CECR2: variants seen among roughly 807,000 people sequenced by gnomAD.
CECR2 encodes chromatin remodeling regulator CECR2.
CECR2 carries 30 observed loss-of-function variants against 154.5 expected under a neutral mutation model. The ratio of observed to expected loss-of-function variants is 0.19; its 90% confidence interval spans 0.15 to 0.26. The LOEUF is 0.26. Ranked by LOEUF, CECR2 falls within the 10% of genes least tolerant of loss-of-function variation. The probability of loss-of-function intolerance (pLI) is 1.00; values close to 1 mark genes in which losing one functional copy is unlikely to be tolerated. For synonymous variants in CECR2, 725 were observed against 683.7 expected, an observed-to-expected ratio of 1.06 and a Z score of -0.94; for missense variants, 1,743 against 1,829.3, an observed-to-expected ratio of 0.95 and a Z score of 0.86.
At chr22:17,484,429 T>C (rs905303354) in intron 2 of CECR2, among the ~76,000 whole-genome samples, 1 of 152,188 alleles carries the variant, frequency 6.6e-6, no homozygotes, top group Non-Finnish European at 1.5e-5. Flanking sequence ...GAAAAACCAA[T>C]AGTGACTGTG....
chr22:17,403,129 A>G (rs1169164316), intron 1 of CECR2, among the ~76,000 whole-genome samples: 1 of 152,204 alleles, frequency 6.6e-6, no homozygotes, highest in African/African-American at 2.4e-5. Flanking sequence ...GTCTGTTGTC[A>G]TCAGCGTGGA....
At chr22:17,388,466 C>A (rs1460144405) in intron 1 of CECR2, among the ~76,000 whole-genome samples, 1 of 152,092 alleles carries the variant, frequency 6.6e-6, no homozygotes, top group Non-Finnish European at 1.5e-5. Context: ...GTGGCAGAAC[C>A]CATACCGGCA....
intron 8 of CECR2, among the ~76,000 whole-genome samples, chr22:17,522,792 G>T (rs1289891350): frequency 1.3e-5 from 2 of 152,090 alleles, no homozygotes; most frequent in Non-Finnish European, 1.5e-5. Flanking sequence ...ATCACCTGAG[G>T]TCAGGAGTTC....
In CECR2 at chr22:17,556,423, C is replaced by G. The variant is rs912027777; in HGVS notation, c.*3583C>G. 6.6e-6 allele frequency: 1 copy of G among 152,184 alleles called. No individual in the cohort carries two copies. The allele number at this position is 152,184 out of a possible 1,614,324, so 9.4% of individuals were successfully genotyped here. A position where few individuals can be genotyped will look rare whatever the true frequency, so the allele number is the denominator to read the frequency against. On this transcript the variant is annotated 3_prime_UTR_variant, in exon 19 of 19. Coordinates refer to ENST00000262608, the MANE Select transcript of CECR2 (RefSeq NM_001290047.2). ...AGCATTTGGTGTCATTATCCCATGC[C>G]ATTTATCTGCTGTATAGTTACTATA...
At chr22:17,388,456 G>C (rs80154743) in intron 1 of CECR2, among the ~76,000 whole-genome samples, 61 of 152,084 alleles carry the variant, frequency 4.0e-4, no homozygotes, top group Non-Finnish European at 7.9e-4. Context: ...TGCCCAGCGG[G>C]TGGCAGAACC....
intron 2 of CECR2, 88 bp downstream of exon 2, chr22:17,477,770 C>G: frequency 1.1e-6 from 1 of 915,860 alleles, no homozygotes; most frequent in South Asian, 1.3e-5. Flanking sequence ...TGTGACAAAC[C>G]AGAACCGATC....
At chr22:17,411,179 TG>T (rs2054063677) in intron 1 of CECR2, among the ~76,000 whole-genome samples, 1 of 152,356 alleles carries the variant, frequency 6.6e-6, no homozygotes, top group South Asian at 2.1e-4. Context: ...CACAGGGTAA[TG>T]TTTTTGGATT....
chr22:17,515,244 C>T (rs527884012), intron 8 of CECR2, among the ~76,000 whole-genome samples: 1 of 152,090 alleles, frequency 6.6e-6, no homozygotes, highest in Non-Finnish European at 1.5e-5. Context: ...TTTACAAGTG[C>T]AGGGCCGTGC....
intron 8 of CECR2, among the ~76,000 whole-genome samples, chr22:17,512,441 G>C (rs888155944): frequency 1.3e-5 from 2 of 152,094 alleles, no homozygotes; most frequent in African/African-American, 4.8e-5. Context: ...GGTAGCTCAT[G>C]CCTGTAATCC....
chr22:17,475,935 T>C (rs2522295), intron 1 of CECR2, among the ~76,000 whole-genome samples: 11,482 of 151,890 alleles, frequency 0.076, 478 homozygotes, highest in Middle Eastern at 0.15. Flanking sequence ...TCCTTGTATA[T>C]ACACAGCAGC....
chr22:17,363,406 C>T (rs5747075), intron 1 of CECR2, among the ~76,000 whole-genome samples: 54,851 of 151,932 alleles, frequency 0.36, 11,558 homozygotes, highest in Middle Eastern at 0.52. Flanking sequence ...CGGACATTCA[C>T]CATATCGAGA....
intron 7 of CECR2, 51 bp downstream of exon 7, chr22:17,505,067 A>G (rs2055813895): frequency 1.3e-6 from 2 of 1,558,124 alleles, no homozygotes; most frequent in Middle Eastern, 1.7e-4. Flanking sequence ...CTGATGCTGC[A>G]TTATTTAAGG....
At chr22:17,531,439 C>G (rs562301984) in intron 9 of CECR2, among the ~76,000 whole-genome samples, 1 of 152,160 alleles carries the variant, frequency 6.6e-6, no homozygotes, top group South Asian at 2.1e-4. Flanking sequence ...TCTGATGCTC[C>G]CTTTGGTAGA....
intron 1 of CECR2, among the ~76,000 whole-genome samples, chr22:17,468,031 A>C (rs781127193): frequency 1.8e-4 from 27 of 152,218 alleles, no homozygotes; most frequent in Non-Finnish European, 2.1e-4. Context: ...AGGAGAGGGC[A>C]GTCGTCTTTT....
rs148926370 is a variant in CECR2 at position 17,383,698 on chromosome 22, A to G, written c.126+13789A>G. On this transcript the variant is annotated intron_variant, in intron 1 of 18. Transcript: ENST00000262608. ...TTTTTTTGAAGTGGAGTCTTGCTCT[A>G]TTGCCCAGGCTGGAGCGCAGTGGCA... Among the ~76,000 whole-genome samples the G allele has an allele frequency of 3.0e-3, 350 of 114,824 alleles. 1 individual carries two copies. The highest frequency in any genetic ancestry group is 0.012 in the African/African-American group (337 of 28,386). The allele number at this position is 114,824 out of a possible 152,430, so 75.3% of individuals were successfully genotyped here.
intron 1 of CECR2, 147 bp from the exon 2 acceptor site, chr22:17,477,441 C>T (rs937476813): frequency 4.8e-6 from 3 of 630,912 alleles, no homozygotes; most frequent in Non-Finnish European, 8.4e-6. Context: ...CTCACAGTAG[C>T]CAGAAGGAAG....
chr22:17,515,851 A>G (rs962692261), intron 8 of CECR2, among the ~76,000 whole-genome samples: 1 of 151,238 alleles, frequency 6.6e-6, no homozygotes, highest in African/African-American at 2.4e-5. Context: ...AATTCTCTGT[A>G]TTTTTAGTAG....
At chr22:17,403,113 C>T (rs1425156622) in intron 1 of CECR2, among the ~76,000 whole-genome samples, 1 of 152,206 alleles carries the variant, frequency 6.6e-6, no homozygotes, top group African/African-American at 2.4e-5. Context: ...TCGCATGTCT[C>T]CTTAAGTCTG....
chr22:17,477,533 T>G (rs1441839018), intron 1 of CECR2, 55 bp from the exon 2 acceptor site: 4 of 1,162,650 alleles, frequency 3.4e-6, no homozygotes, highest in Non-Finnish European at 5.2e-6. Flanking sequence ...GGAAGGGGTG[T>G]GTATTTTAAG....
Sources: allele counts gnomAD v4.1 joint callset (sites outside exome capture counted in the v4.1 genomes callset), GRCh38; gene constraint gnomAD v4.1.1; transcripts MANE v1.5; gene names NCBI Gene and HGNC (gene_info 2026-07-23, HGNC 2026-07-21).